Variants in ASIC2 observed in about 807,000 individuals in gnomAD.
ASIC2 encodes the protein acid-sensing ion channel 2.
In ASIC2, 25 loss-of-function variants were observed where a neutral mutation model predicts 57.3. That is an observed-to-expected ratio of 0.44 (90% CI 0.32 to 0.61). The LOEUF is 0.61. Among genes scored for constraint, ASIC2 ranks in the 20% least tolerant of loss-of-function variants. ASIC2 has a pLI of 0.06. For missense variants in ASIC2, 641 were observed against 738.1 expected (o/e 0.87, Z 1.52); for synonymous variants, 319 against 307.5 (o/e 1.04, Z -0.39).
intron 1 of ASIC2, among the ~76,000 whole-genome samples, chr17:33,672,578 C>T (rs1049682921): frequency 3.3e-5 from 5 of 152,184 alleles, no homozygotes; most frequent in Admixed American, 6.5e-5. Flanking sequence ...GGATTTCACT[C>T]GCTTGGATTA....
chr17:33,713,546 C>T (rs557659672), intron 1 of ASIC2, among the ~76,000 whole-genome samples: 43 of 152,228 alleles, frequency 2.8e-4, no homozygotes, highest in African/African-American at 1.0e-3. Context: ...AAATGTCCCT[C>T]TCCTTGTAAG....
chr17:34,012,921 C>G (rs1047133085), intron 1 of ASIC2, among the ~76,000 whole-genome samples: 3 of 152,126 alleles, frequency 2.0e-5, no homozygotes, highest in Admixed American at 1.3e-4. Flanking sequence ...GCCATGACAA[C>G]AGAAAGCACC....
intron 1 of ASIC2, among the ~76,000 whole-genome samples, chr17:33,573,558 G>GT (rs979477033): frequency 3.1e-4 from 47 of 151,626 alleles, no homozygotes; most frequent in East Asian, 1.9e-4. Flanking sequence ...TTTAAATCTT[G>GT]TTTTTTTGTT....
chr17:33,558,258 A>G (rs887936974), intron 1 of ASIC2, among the ~76,000 whole-genome samples: 1 of 152,102 alleles, frequency 6.6e-6, no homozygotes, highest in African/African-American at 2.4e-5. Context: ...TACACTATGG[A>G]TCAGAGTTTT....
At chr17:33,318,170 T>C (rs2142212541) in intron 1 of ASIC2, among the ~76,000 whole-genome samples, 1 of 152,312 alleles carries the variant, frequency 6.6e-6, no homozygotes, top group East Asian at 1.9e-4. Flanking sequence ...TGCTTTCCTC[T>C]TTCTCTTCGA....
intron 1 of ASIC2, among the ~76,000 whole-genome samples, chr17:33,426,632 C>A (rs1911229539): frequency 6.6e-6 from 1 of 152,188 alleles, no homozygotes; most frequent in Admixed American, 6.5e-5. Flanking sequence ...GGACAGGCAG[C>A]CTTGAGCACA....
At chr17:33,203,138 A>G in intron 1 of ASIC2, among the ~76,000 whole-genome samples, 1 of 152,194 alleles carries the variant, frequency 6.6e-6, no homozygotes, top group Non-Finnish European at 1.5e-5. Context: ...GGCCCCTTTC[A>G]TCCTTACCCA....
intron 1 of ASIC2, among the ~76,000 whole-genome samples, chr17:33,472,005 A>T (rs1418337420): frequency 7.0e-6 from 1 of 142,674 alleles, no homozygotes; most frequent in Non-Finnish European, 1.5e-5. Flanking sequence ...CCAGGAATTT[A>T]CACCAGGGAC....
chr17:33,512,297 A>T (rs1286783437), intron 1 of ASIC2, among the ~76,000 whole-genome samples: 2 of 152,212 alleles, frequency 1.3e-5, no homozygotes, highest in Non-Finnish European at 2.9e-5. Context: ...GCCTGGAAGA[A>T]TTGGCAAAAC....
chr17:34,050,479 A>T (rs775933384), intron 1 of ASIC2, among the ~76,000 whole-genome samples: 2 of 152,196 alleles, frequency 1.3e-5, no homozygotes, highest in Admixed American at 6.5e-5. Context: ...ATCTCTTCCC[A>T]CTTAATCAGA....
chr17:33,436,990 C>T (rs1030283801), intron 1 of ASIC2, among the ~76,000 whole-genome samples: 7 of 150,394 alleles, frequency 4.7e-5, no homozygotes, highest in Admixed American at 2.7e-4. Flanking sequence ...CTCAGCCTCC[C>T]GAGTAGCTGG....
intron 1 of ASIC2, among the ~76,000 whole-genome samples, chr17:33,785,193 A>G (rs1911566670): frequency 6.6e-6 from 1 of 152,130 alleles, no homozygotes; most frequent in African/African-American, 2.4e-5. Flanking sequence ...ACACACAAGG[A>G]AGGAAAATGA....
At chr17:33,490,960 G>C (rs1393402106) in intron 1 of ASIC2, among the ~76,000 whole-genome samples, 1 of 152,080 alleles carries the variant, frequency 6.6e-6, no homozygotes, top group Non-Finnish European at 1.5e-5. Flanking sequence ...CCTGAATTCA[G>C]AATACCTTTG....
rs369384433 is a variant in ASIC2, at chr17:33,013,921, C to T, written c.*44G>A. On this transcript the variant is annotated 3_prime_UTR_variant, in exon 10 of 10. Coordinates refer to ENST00000225823, the MANE Select transcript of ASIC2 (RefSeq NM_183377.2). The stretch of plus-strand genomic sequence containing the variant: ...GCTGTTCCTTGTCCTGGGTCTTGGG[C>T]CTCAAGGTCTGTTTGGAGGGAGTGC... 1.4e-6 allele frequency: 2 copies of T among 1,480,672 alleles called. No individual in the cohort carries two copies. The highest frequency in any genetic ancestry group is 2.8e-5 in the African/African-American group (2 of 71,522). The allele number at this position is 1,480,672 out of a possible 1,614,324, so 91.7% of individuals were successfully genotyped here.
chr17:33,721,917 T>C (rs998871907), intron 1 of ASIC2, among the ~76,000 whole-genome samples: 1 of 152,034 alleles, frequency 6.6e-6, no homozygotes, highest in East Asian at 1.9e-4. Context: ...AGGCGAGAGA[T>C]GAAGGCACAT....
At chr17:34,099,354 AGAAG>A (rs997195432) in intron 1 of ASIC2, among the ~76,000 whole-genome samples, 9 of 147,568 alleles carry the variant, frequency 6.1e-5, no homozygotes, top group African/African-American at 1.3e-4. Flanking sequence ...GAGGGAGGAA[AGAAG>A]GAAGGAAGGA....
At chr17:33,335,305 A>G (rs1230818016) in intron 1 of ASIC2, among the ~76,000 whole-genome samples, 1 of 152,248 alleles carries the variant, frequency 6.6e-6, no homozygotes, top group African/African-American at 2.4e-5. Flanking sequence ...AAACAAAAGT[A>G]TAGTAATAAT....
chr17:33,579,144 G>A (rs927846590), intron 1 of ASIC2, among the ~76,000 whole-genome samples: 1 of 152,058 alleles, frequency 6.6e-6, no homozygotes, highest in Admixed American at 6.5e-5. Flanking sequence ...ACAGTAGCCA[G>A]GCATGATGGT....
chr17:33,125,333 T>C (rs2092319093), intron 1 of ASIC2, among the ~76,000 whole-genome samples: 1 of 152,254 alleles, frequency 6.6e-6, no homozygotes, highest in Non-Finnish European at 1.5e-5. Context: ...TGCCACTTAC[T>C]AGCTTTTTAA....
Sources: allele counts gnomAD v4.1 joint callset (sites outside exome capture counted in the v4.1 genomes callset), GRCh38; gene constraint gnomAD v4.1.1; transcripts MANE v1.5; gene names NCBI Gene and HGNC (gene_info 2026-07-23, HGNC 2026-07-21).